ATP13A5: variants seen among roughly 807,000 people sequenced by gnomAD.
ATP13A5 encodes ATPase 13A5, also known as probable cation-transporting ATPase 13A5.
ATP13A5 carries 149 observed loss-of-function variants against 150.2 expected under a neutral mutation model. That is an observed-to-expected ratio of 0.99 (90% CI 0.87 to 1.14). ATP13A5 has a LOEUF of 1.14. ATP13A5 is among the 50% of genes most tolerant of loss of function. ATP13A5 has a pLI of 0.00. For missense variants in ATP13A5, 1,383 were observed against 1,449.3 expected, an observed-to-expected ratio of 0.95 and a Z score of 0.74; for synonymous variants, 497 against 522.2, an observed-to-expected ratio of 0.95 and a Z score of 0.66.
intron 25 of ATP13A5, among the ~76,000 whole-genome samples, chr3:193,292,240 A>C (rs879294939): frequency 2.0e-5 from 3 of 152,160 alleles, no homozygotes; most frequent in Non-Finnish European, 4.4e-5. Context: ...CAGAGGCTTT[A>C]GTGCTTGGAG....
intron 22 of ATP13A5, 152 bp from the exon 23 acceptor site, chr3:193,305,820 G>A (rs1191861630): frequency 6.0e-6 from 4 of 661,730 alleles, no homozygotes; most frequent in Non-Finnish European, 1.1e-5. Flanking sequence ...CACCTGGAGT[G>A]CCCTCTCTCC....
chr3:193,289,999 G>T lies in ATP13A5; in HGVS notation c.2909C>A (p.Ser970Tyr). 1 of 1,612,986 alleles carries T rather than the reference G, an allele frequency of 6.2e-7. No individual in the cohort carries two copies. Among genetic ancestry groups the T allele is most frequent in the Non-Finnish European group, 8.5e-7 (1 of 1,179,290 alleles). ...AAATATTGAAAGCAGTAAAGGGGGA[G>T]AAAGGAGCTGTCCTGCTGGTCTATA... ...APYRPAGQLL[S>Y]PPLLLSIFLN... Residue 970 changes from serine (S) to tyrosine (Y), a missense_variant, in exon 26 of 30, where the codon TCT (serine) becomes TAT (tyrosine). Ser to Tyr is a moderately radical substitution (Grantham distance 144). Around this residue, in one of 3 missense-constraint regions of ATP13A5, gnomAD observed 568 missense variants for 621.5 expected, o/e 0.91. Coordinates refer to ENST00000342358, the MANE Select transcript of ATP13A5 (RefSeq NM_198505.4).
At chr3:193,349,156 C>T (rs1361190651) in intron 7 of ATP13A5, among the ~76,000 whole-genome samples, 4 of 152,150 alleles carry the variant, frequency 2.6e-5, no homozygotes, top group East Asian at 3.9e-4. Flanking sequence ...GAAACTGGCT[C>T]ATTTTGTGGA....
chr3:193,316,440 T>C (rs564710251), intron 17 of ATP13A5, among the ~76,000 whole-genome samples: 7 of 152,266 alleles, frequency 4.6e-5, no homozygotes, highest in African/African-American at 1.4e-4. Context: ...ATAGCAGCTG[T>C]ACCATTTTAC....
chr3:193,299,162 A>G lies in ATP13A5; in HGVS notation c.2817T>C (p.Asp939=). The G allele has an allele frequency of 6.2e-7, 1 of 1,610,494 alleles. No homozygotes were observed. The change falls in exon 25 of 30, where the codon GAT becomes GAC. Residue 939 remains aspartate, a synonymous_variant. Transcript: ENST00000342358. ...LFGNYQYLMQ[D]VAITLMVCLT... ...AACAGACCATCAAAGTAATGGCTACATCTTGCATGAGATACTGGTAATTTC... is the reference window on the plus strand; with the variant it reads ...AACAGACCATCAAAGTAATGGCTACGTCTTGCATGAGATACTGGTAATTTC...
In ATP13A5 at chr3:193,319,133, A is replaced by G. The variant is rs777380565; in HGVS notation, c.1916-25T>C. The stretch of plus-strand genomic sequence containing the variant: ...ACTGCCAGGGTAGAAGAAACAGGTA[A>G]GTGTAAGGTCATGTTGAAGGCTGGT... On this transcript the variant is annotated intron_variant, in intron 16 of 29. Transcript: ENST00000342358. 3.6e-5 allele frequency: 56 copies of G among 1,565,764 alleles called. No individual in the cohort carries two copies. The Admixed American group carries it at 9.4e-4, about 26-fold the overall frequency.
chr3:193,311,085 C>A (rs1328376676), intron 20 of ATP13A5, among the ~76,000 whole-genome samples: 1 of 152,168 alleles, frequency 6.6e-6, no homozygotes, highest in Non-Finnish European at 1.5e-5. Flanking sequence ...AGAGGAAAGG[C>A]TGGAAGCTGA....
At chr3:193,369,662 G>C (rs1274136203) in intron 1 of ATP13A5, among the ~76,000 whole-genome samples, 1 of 152,104 alleles carries the variant, frequency 6.6e-6, no homozygotes, top group African/African-American at 2.4e-5. Context: ...TCCAGAGGTG[G>C]TGTTAATGTA....
At chr3:193,299,815 G>C (rs899118507) in intron 24 of ATP13A5, among the ~76,000 whole-genome samples, 1 of 152,148 alleles carries the variant, frequency 6.6e-6, no homozygotes, top group African/African-American at 2.4e-5. Context: ...CCAGGAAGTT[G>C]CCTTGCAATA....
chr3:193,320,992 G>A (rs546706616), intron 16 of ATP13A5, among the ~76,000 whole-genome samples: 4 of 151,990 alleles, frequency 2.6e-5, no homozygotes, highest in Non-Finnish European at 4.4e-5. Context: ...TCCTCCCATC[G>A]ATCTGATTCT....
At chr3:193,359,057 T>G (rs768133225) in intron 5 of ATP13A5, among the ~76,000 whole-genome samples, 1 of 150,206 alleles carries the variant, frequency 6.7e-6, no homozygotes, top group Non-Finnish European at 1.5e-5. Context: ...ATTAAATAGC[T>G]TATGCATTAA....
At chr3:193,373,584 C>A (rs1041582693) in intron 1 of ATP13A5, among the ~76,000 whole-genome samples, 2 of 152,132 alleles carry the variant, frequency 1.3e-5, no homozygotes, top group African/African-American at 4.8e-5. Context: ...CATATGTATT[C>A]CTGCATTTTC....
At chr3:193,365,727 T>C (rs927327591) in intron 1 of ATP13A5, among the ~76,000 whole-genome samples, 2 of 152,124 alleles carry the variant, frequency 1.3e-5, no homozygotes, top group African/African-American at 4.8e-5. Context: ...AATGAGCTCA[T>C]TCATAAATAA....
chr3:193,325,018 G>A lies in ATP13A5; in HGVS notation c.1524-4C>T. ...AAAGCTGTGGGCTTCCTGGAAGCTG[G>A]TAGAGAAGGTAATGTTAAAGTCTTT... On this transcript the variant is annotated splice_region_variant and splice_polypyrimidine_tract_variant and intron_variant, in intron 13 of 29. Transcript: ENST00000342358. The A allele has an allele frequency of 6.2e-7, 1 of 1,609,086 alleles. No individual in the cohort carries two copies. The highest frequency in any genetic ancestry group is 8.5e-7 in the Non-Finnish European group (1 of 1,177,826).
chr3:193,325,904 A>G (rs1269737879), intron 13 of ATP13A5, among the ~76,000 whole-genome samples: 1 of 152,168 alleles, frequency 6.6e-6, no homozygotes, highest in Non-Finnish European at 1.5e-5. Context: ...GAAACTGTGG[A>G]CATCTTTTTT....
chr3:193,307,525 CAT>C, intron 21 of ATP13A5, 156 bp from the exon 22 acceptor site: 1 of 836,498 alleles, frequency 1.2e-6, no homozygotes, highest in Non-Finnish European at 1.9e-6. Flanking sequence ...TTTGGAGAGA[CAT>C]ATTCCCAGAG....
chr3:193,360,113 G>A (rs1020396978), intron 5 of ATP13A5, among the ~76,000 whole-genome samples: 10 of 152,180 alleles, frequency 6.6e-5, no homozygotes, highest in Non-Finnish European at 1.2e-4. Context: ...CCTAGGACAG[G>A]CACTAATATG....
intron 17 of ATP13A5, among the ~76,000 whole-genome samples, chr3:193,315,904 G>A (rs12107113): frequency 0.048 from 7,249 of 152,028 alleles, 529 homozygotes; most frequent in African/African-American, 0.16. Context: ...TCTCTAGAAT[G>A]TATTCATCTT....
chr3:193,357,450 C>CA (rs1379593841), intron 5 of ATP13A5, among the ~76,000 whole-genome samples: 4 of 152,006 alleles, frequency 2.6e-5, no homozygotes, highest in Admixed American at 6.6e-5. Flanking sequence ...TGCTTCTTGC[C>CA]AAAAAATATT....
Sources: gnomAD v4.1 joint callset for allele counts (sites outside exome capture counted in the v4.1 genomes callset) on GRCh38, gnomAD v4.1.1 for gene constraint, gnomAD v4.1.1 regional missense constraint, MANE v1.5 for transcripts, NCBI Gene and HGNC (gene_info 2026-07-23, HGNC 2026-07-21) for gene names.